Variants in ZDHHC20 observed in about 807,000 individuals in gnomAD.
ZDHHC20 encodes zDHHC palmitoyltransferase 20.
Under a neutral mutation model 57.8 loss-of-function variants are expected in ZDHHC20, and 43 were observed. The observed-to-expected ratio is 0.74, with a 90% CI of 0.58 to 0.96. The LOEUF is 0.96. Among genes scored for constraint, ZDHHC20 ranks in the 40% least tolerant of loss-of-function variants. The pLI is 0.00. For synonymous variants in ZDHHC20, 157 were observed against 153.0 expected (o/e 1.03, Z -0.19); for missense variants, 391 against 441.1 (o/e 0.89, Z 1.02).
chr13:21,451,694 A>C (rs890263762), intron 1 of ZDHHC20, among the ~76,000 whole-genome samples: 1 of 152,112 alleles, frequency 6.6e-6, no homozygotes, highest in African/African-American at 2.4e-5. Context: ...ACCTGACAAA[A>C]AAGACCACTT....
intron 3 of ZDHHC20, among the ~76,000 whole-genome samples, chr13:21,417,952 C>T (rs1169177690): frequency 6.6e-6 from 1 of 152,158 alleles, no homozygotes; most frequent in African/African-American, 2.4e-5. Context: ...CTTATACAGG[C>T]CTACCTCAGT....
At chr13:21,391,658 C>G in intron 8 of ZDHHC20, 64 bp downstream of exon 8, 1 of 1,518,484 alleles carries the variant, frequency 6.6e-7, no homozygotes, top group South Asian at 1.2e-5. Flanking sequence ...TTGTTCTTCT[C>G]TAGATTTCAT....
At chr13:21,401,528 T>A in intron 6 of ZDHHC20, 125 bp downstream of exon 6, 1 of 770,466 alleles carries the variant, frequency 1.3e-6, no homozygotes, top group Non-Finnish European at 2.1e-6. Context: ...AATCTATGCA[T>A]ATATGTAAAG....
At chr13:21,445,627 G>A (rs1356484557) in intron 1 of ZDHHC20, among the ~76,000 whole-genome samples, 1 of 152,134 alleles carries the variant, frequency 6.6e-6, no homozygotes, top group African/African-American at 2.4e-5. Flanking sequence ...TCTACTATAT[G>A]AAAACATTCC....
intron 1 of ZDHHC20, among the ~76,000 whole-genome samples, chr13:21,454,021 T>C (rs1884693283): frequency 6.6e-6 from 1 of 152,032 alleles, no homozygotes; most frequent in Non-Finnish European, 1.5e-5. Context: ...TAATTTTTTG[T>C]ATTTTTTGTA....
intron 4 of ZDHHC20, among the ~76,000 whole-genome samples, chr13:21,410,706 TC>T (rs1437399950): frequency 6.6e-6 from 1 of 152,040 alleles, no homozygotes; most frequent in Non-Finnish European, 1.5e-5. Context: ...CAGAAGCCCC[TC>T]CCCCCACCAA....
At chr13:21,459,016 GCCCGCGC>G (rs759028797) in intron 1 of ZDHHC20, 31 bp downstream of exon 1, 4 of 1,528,044 alleles carry the variant, frequency 2.6e-6, no homozygotes, top group Non-Finnish European at 3.6e-6. Context: ...CCTAGCCGCG[GCCCGCGC>G]CCCGCCGCAG....
Position 21,400,500 on chromosome 13 carries a change from A to G in ZDHHC20, c.474-7T>C. The G allele has an allele frequency of 2.0e-6, 3 of 1,534,638 alleles. No individual in the cohort carries two copies. The highest frequency in any genetic ancestry group is 1.7e-6 in the Non-Finnish European group (2 of 1,143,060). Reference sequence around the variant, plus strand: ...TCCCACACAGTTATTCACCCTGGAAAAATAAAGAAAGCCACATTATAAAAG... The same window carrying G: ...TCCCACACAGTTATTCACCCTGGAAGAATAAAGAAAGCCACATTATAAAAG... On this transcript the variant is annotated splice_polypyrimidine_tract_variant and splice_region_variant and intron_variant, in intron 6 of 12. Transcript: ENST00000400590.
intron 1 of ZDHHC20, among the ~76,000 whole-genome samples, chr13:21,457,049 A>C (rs9509736): frequency 0.1 from 15,873 of 152,262 alleles, 920 homozygotes; most frequent in African/African-American, 0.13. Context: ...ACATACTGAA[A>C]GAATTAAAGG....
At chr13:21,417,078 A>G (rs1420884504) in intron 3 of ZDHHC20, among the ~76,000 whole-genome samples, 1 of 152,148 alleles carries the variant, frequency 6.6e-6, no homozygotes, top group African/African-American at 2.4e-5. Context: ...AGTACTGGGG[A>G]TACAGGAATA....
intron 9 of ZDHHC20, among the ~76,000 whole-genome samples, chr13:21,383,603 G>GCCCC (rs1873873080): frequency 6.6e-6 from 1 of 152,104 alleles, no homozygotes; most frequent in Non-Finnish European, 1.5e-5. Context: ...AGATTATGAT[G>GCCCC]CCTAGTATAG....
chr13:21,437,911 T>G (rs1190839314), intron 1 of ZDHHC20, among the ~76,000 whole-genome samples: 3 of 152,206 alleles, frequency 2.0e-5, no homozygotes, highest in Admixed American at 6.5e-5. Context: ...CAGGATGGTC[T>G]CGATCTCCTG....
chr13:21,401,912 T>C (rs1317428585), intron 5 of ZDHHC20, among the ~76,000 whole-genome samples: 3 of 152,172 alleles, frequency 2.0e-5, no homozygotes, highest in South Asian at 2.1e-4. Context: ...TCAGCTGCCT[T>C]AGACCACATC....
intron 8 of ZDHHC20, among the ~76,000 whole-genome samples, chr13:21,389,794 C>G (rs1483169770): frequency 6.6e-6 from 1 of 152,180 alleles, no homozygotes; most frequent in Non-Finnish European, 1.5e-5. Flanking sequence ...AACGGGCCTA[C>G]TACCACTAGA....
intron 1 of ZDHHC20, among the ~76,000 whole-genome samples, chr13:21,439,917 A>G (rs1640320267): frequency 6.6e-6 from 1 of 151,800 alleles, no homozygotes; most frequent in African/African-American, 2.4e-5. Context: ...AAATACAAAA[A>G]TTAGCCAGGT....
At chr13:21,445,703 A>C (rs1883622686) in intron 1 of ZDHHC20, among the ~76,000 whole-genome samples, 1 of 152,244 alleles carries the variant, frequency 6.6e-6, no homozygotes, top group Admixed American at 6.5e-5. Flanking sequence ...TTCAACAAAT[A>C]TCTATTGAGA....
chr13:21,398,912 C>G (rs1439768442), intron 7 of ZDHHC20, among the ~76,000 whole-genome samples: 1 of 152,012 alleles, frequency 6.6e-6, no homozygotes, highest in African/African-American at 2.4e-5. Flanking sequence ...CCCAGAAACA[C>G]AGTAGAAAGA....
At chr13:21,387,057 T>C (rs1267504584) in intron 9 of ZDHHC20, among the ~76,000 whole-genome samples, 1 of 152,198 alleles carries the variant, frequency 6.6e-6, no homozygotes, top group Non-Finnish European at 1.5e-5. Flanking sequence ...TGGAAAGAAA[T>C]GGAAACTATC....
At chr13:21,454,280 C>T (rs1455336402) in intron 1 of ZDHHC20, among the ~76,000 whole-genome samples, 1 of 152,158 alleles carries the variant, frequency 6.6e-6, no homozygotes, top group Middle Eastern at 3.4e-3. Context: ...GAGCCAAGAT[C>T]GCCACATTGC....
Sources: allele counts gnomAD v4.1 joint callset (sites outside exome capture counted in the v4.1 genomes callset), GRCh38; gene constraint gnomAD v4.1.1; transcripts MANE v1.5; gene names NCBI Gene and HGNC (gene_info 2026-07-23, HGNC 2026-07-21).